GABPA: variants seen among roughly 807,000 people sequenced by gnomAD.
GABPA encodes the protein GA-binding protein alpha chain.
A neutral mutation model predicts 59.4 loss-of-function variants in GABPA; 4 were observed. That is an observed-to-expected ratio of 0.07 (90% confidence interval 0.03 to 0.15). The LOEUF (loss-of-function observed/expected upper bound fraction) is 0.15, where lower values mean the gene tolerates loss of function less well. Among genes scored for constraint, GABPA ranks in the 10% least tolerant of loss-of-function variants. The pLI is 1.00. For synonymous variants in GABPA, 164 were observed against 183.1 expected (o/e 0.90, Z 0.84); for missense variants, 251 against 543.8 (o/e 0.46, Z 5.36).
At chr21:25,766,515 A>G (rs907610728) in intron 9 of GABPA, among the ~76,000 whole-genome samples, 4 of 152,020 alleles carry the variant, frequency 2.6e-5, no homozygotes, top group African/African-American at 7.2e-5. Context: ...TTACAAATCA[A>G]TTTTTTAATG....
Position 25,771,963 on chromosome 21 carries a change from GT to G in GABPA, c.*2734del, listed in dbSNP as rs1438074713. 1 of 152,008 alleles carries G rather than the reference GT, an allele frequency of 6.6e-6. No homozygotes were observed. Among genetic ancestry groups the G allele is most frequent in the Non-Finnish European group, 1.5e-5 (1 of 67,894 alleles). The allele number at this position is 152,008 out of a possible 1,614,324, so 9.4% of individuals were successfully genotyped here. ...TCAGTCTATGTTATTAGGAAAAATT[GT>G]TTAGTTGTTTTCTCCCCTGATTAAT... On this transcript the variant is annotated 3_prime_UTR_variant, in exon 10 of 10. Transcript: ENST00000400075.
chr21:25,754,878 C>T (rs2035596466), intron 5 of GABPA, among the ~76,000 whole-genome samples: 1 of 149,412 alleles, frequency 6.7e-6, no homozygotes, highest in South Asian at 2.1e-4. Flanking sequence ...ATGGTAAAAC[C>T]TGTTTCTACT....
Position 25,735,037 on chromosome 21 carries a change from G to A in GABPA, c.-568G>A. The stretch of plus-strand genomic sequence containing the variant: ...AGTCTGCGACCGGACGGGTCTAGGT[G>A]AGACAGAAGCCAAACAGGAGGAGGA... On this transcript the variant is annotated 5_prime_UTR_variant, in exon 1 of 10. Coordinates refer to ENST00000400075, the MANE Select transcript of GABPA (RefSeq NM_002040.4). The A allele has an allele frequency of 7.0e-7, 1 of 1,436,554 alleles. No homozygotes were observed. The highest frequency in any genetic ancestry group is 9.5e-7 in the Non-Finnish European group (1 of 1,050,914). 89.0% of individuals were successfully genotyped at this position (1,436,554 alleles called of 1,614,324 possible). A position where few individuals can be genotyped will look rare whatever the true frequency, so the allele number is the denominator to read the frequency against.
rs1568956148 is a variant in GABPA at position 25,769,114 on chromosome 21, G to A, written c.1247G>A (p.Arg416His). ...GGATACAGTGCAGCGGAGTTGAACC[G>A]TTTGGTCACAGAATGTGAACAGAAG... is the stretch of plus-strand genomic sequence containing the variant. ...LIGYSAAELN[R>H]LVTECEQKKL... is the part of the protein sequence containing the mutation. Residue 416 changes from arginine (R) to histidine (H), a missense_variant, in exon 10 of 10, where the codon CGT becomes CAT. By Grantham distance (29) the Arg-to-His change is conservative (BLOSUM62 0). Around this residue, in one of 4 missense-constraint regions of GABPA, gnomAD observed 23 missense variants for 60.7 expected, o/e 0.38. Coordinates refer to ENST00000400075, the MANE Select transcript of GABPA (RefSeq NM_002040.4). 12 of 1,613,080 alleles carry A rather than the reference G, an allele frequency of 7.4e-6. No individual in the cohort carries two copies. Among genetic ancestry groups the A allele is most frequent in the South Asian group, 1.1e-5 (1 of 91,062 alleles).
chr21:25,764,202 C>A lies in GABPA; in HGVS notation c.803-8C>A. 5.8e-6 allele frequency: 9 copies of A among 1,562,146 alleles called. No homozygotes were observed. The highest frequency in any genetic ancestry group is 2.0e-5 in the Admixed American group (1 of 50,050). Reference sequence around the variant, plus strand: ...AGAAAAAAAATTTCTCCTTGTCTGTCTTTGCAGCTGTGCAAATTATTCCAG... The same window carrying A: ...AGAAAAAAAATTTCTCCTTGTCTGTATTTGCAGCTGTGCAAATTATTCCAG... On this transcript the variant is annotated splice_region_variant and splice_polypyrimidine_tract_variant and intron_variant, in intron 7 of 9. Coordinates refer to ENST00000400075, the MANE Select transcript of GABPA (RefSeq NM_002040.4).
intron 9 of GABPA, 92 bp from the exon 10 acceptor site, chr21:25,768,912 C>A: frequency 2.6e-6 from 2 of 780,858 alleles, no homozygotes; most frequent in Non-Finnish European, 4.3e-6. Flanking sequence ...ATGCAGTACT[C>A]TACTAGGCTT....
Position 25,770,032 on chromosome 21 carries a change from T to G in GABPA, c.*800T>G, listed in dbSNP as rs2035978523. 6.6e-6 allele frequency: 1 copy of G among 152,594 alleles called. No homozygotes were observed. Among genetic ancestry groups the G allele is most frequent in the Non-Finnish European group, 1.5e-5 (1 of 68,000 alleles). 9.5% of individuals were successfully genotyped at this position (152,594 alleles called of 1,614,324 possible). A position where few individuals can be genotyped will look rare whatever the true frequency, so the allele number is the denominator to read the frequency against. On this transcript the variant is annotated 3_prime_UTR_variant, in exon 10 of 10. Coordinates refer to ENST00000400075, the MANE Select transcript of GABPA (RefSeq NM_002040.4). Reference sequence around the variant, plus strand: ...TCAGAGATTTAAAAAACTGAAAAGGTATACCTCAACCCAAAAATAAAGGTT... The same window carrying G: ...TCAGAGATTTAAAAAACTGAAAAGGGATACCTCAACCCAAAAATAAAGGTT...
intron 7 of GABPA, chr21:25,763,413 C>G (rs2035812523): frequency 4.8e-6 from 1 of 206,838 alleles, no homozygotes; most frequent in East Asian, 1.5e-4. Flanking sequence ...TTGAGATACA[C>G]AAAGAAAGTA....
At chr21:25,758,891 G>A (rs1046267590) in intron 6 of GABPA, among the ~76,000 whole-genome samples, 1 of 152,088 alleles carries the variant, frequency 6.6e-6, no homozygotes, top group Non-Finnish European at 1.5e-5. Context: ...CCAACGTGGT[G>A]AAACCCCATC....
chr21:25,741,865 T>C (rs1163662326), intron 2 of GABPA, among the ~76,000 whole-genome samples, 190 bp downstream of exon 2: 1 of 152,172 alleles, frequency 6.6e-6, no homozygotes, highest in Admixed American at 6.5e-5. Context: ...TTTAAACTAA[T>C]GGTAGTAAAA....
At position 25,752,060 on chromosome 21, in the gene GABPA, G is replaced by C; in HGVS notation, c.379G>C (p.Asp127His). 6.2e-7 allele frequency: 1 copy of C among 1,607,874 alleles called. No homozygotes were observed. The highest frequency in any genetic ancestry group is 8.5e-7 in the Non-Finnish European group (1 of 1,174,596). ...CACTGTTGAGGTTGTTATTGATCCA[G>C]ATGCCCACCATGCTGAATCAGAAGC... ...ADTVEVVIDP[D>H]AHHAESEAHL... is the part of the protein sequence containing the mutation. The change falls in exon 5 of 10, where the codon GAT (aspartate) becomes CAT (histidine). Residue 127 changes from aspartate to histidine, a missense_variant. Transcript: ENST00000400075.
chr21:25,735,006 G>T lies in GABPA; in HGVS notation c.-599G>T. 5 of 1,540,442 alleles carry T rather than the reference G, an allele frequency of 3.2e-6. No individual in the cohort carries two copies. Among genetic ancestry groups the T allele is most frequent in the East Asian group, 2.4e-5 (1 of 41,156 alleles). On this transcript the variant is annotated 5_prime_UTR_variant, in exon 1 of 10. Transcript: ENST00000400075. ...ACGCTCACCGGACAGGAAGCGTCTCGGAGACAGTCTGCGACCGGACGGGTC... is the reference window on the plus strand; with the variant it reads ...ACGCTCACCGGACAGGAAGCGTCTCTGAGACAGTCTGCGACCGGACGGGTC...
chr21:25,747,805 A>C (rs939745919), intron 3 of GABPA, among the ~76,000 whole-genome samples: 66 of 152,364 alleles, frequency 4.3e-4, no homozygotes, highest in African/African-American at 1.5e-3. Context: ...AGTGTCCACC[A>C]GACAAGGAGA....
chr21:25,759,274 T>C (rs1196452964), intron 6 of GABPA, among the ~76,000 whole-genome samples: 1 of 152,216 alleles, frequency 6.6e-6, no homozygotes, highest in Admixed American at 6.5e-5. Flanking sequence ...GACTACAACA[T>C]ACTCTGACTT....
intron 6 of GABPA, 41 bp downstream of exon 6, chr21:25,758,245 T>G (rs775561468): frequency 1.5e-6 from 2 of 1,362,870 alleles, no homozygotes; most frequent in Non-Finnish European, 2.0e-6. Context: ...TAATTTAAGC[T>G]TAATTTTATT....
chr21:25,770,787 GAA>G lies in GABPA; in HGVS notation c.*1556_*1557del, dbSNP rs1491586712. 1.3e-5 allele frequency: 2 copies of G among 152,062 alleles called. No homozygotes were observed. Among genetic ancestry groups the G allele is most frequent in the Non-Finnish European group, 2.9e-5 (2 of 67,912 alleles). The allele number at this position is 152,062 out of a possible 1,614,324, so 9.4% of individuals were successfully genotyped here. On this transcript the variant is annotated 3_prime_UTR_variant, in exon 10 of 10. Coordinates refer to ENST00000400075, the MANE Select transcript of GABPA (RefSeq NM_002040.4). The stretch of plus-strand genomic sequence containing the variant: ...GCAGGGATCTTAAGGACAAGGAAGA[GAA>G]GAGAGAGAGGGAGGGATCTTTGATC...
Position 25,769,888 on chromosome 21 carries a change from A to G in GABPA, c.*656A>G, listed in dbSNP as rs1193682236. The G allele has an allele frequency of 6.6e-6, 1 of 152,644 alleles. No individual in the cohort carries two copies. The highest frequency in any genetic ancestry group is 2.4e-5 in the African/African-American group (1 of 41,464). 9.5% of individuals were successfully genotyped at this position (152,644 alleles called of 1,614,324 possible). On this transcript the variant is annotated 3_prime_UTR_variant, in exon 10 of 10. Coordinates refer to ENST00000400075, the MANE Select transcript of GABPA (RefSeq NM_002040.4). Reference sequence around the variant, plus strand: ...TGGCTTATTAACTCAAGCCAATTTTAAGGATTTTCTGTATAGATTACTCAT... The same window carrying G: ...TGGCTTATTAACTCAAGCCAATTTTGAGGATTTTCTGTATAGATTACTCAT...
intron 4 of GABPA, among the ~76,000 whole-genome samples, chr21:25,751,107 A>C (rs1313140897): frequency 6.6e-6 from 1 of 152,118 alleles, no homozygotes; most frequent in Non-Finnish European, 1.5e-5. Context: ...TAGAGCTGTC[A>C]TTTTAGTCTG....
chr21:25,736,968 T>A (rs1039965660), intron 1 of GABPA, among the ~76,000 whole-genome samples: 1 of 152,214 alleles, frequency 6.6e-6, no homozygotes. Flanking sequence ...ACTTATAATA[T>A]ATTGGGAACA....
Sources: allele counts gnomAD v4.1 joint callset (sites outside exome capture counted in the v4.1 genomes callset), GRCh38; gene constraint gnomAD v4.1.1; regional missense constraint gnomAD v4.1.1; transcripts MANE v1.5; gene names NCBI Gene and HGNC (gene_info 2026-07-23, HGNC 2026-07-21).